LRCH1: variants seen among roughly 807,000 people sequenced by gnomAD.
LRCH1 encodes leucine-rich repeat and calponin homology domain-containing protein 1.
A neutral mutation model predicts 94.9 loss-of-function variants in LRCH1; 23 were observed. The observed-to-expected ratio is 0.24, with a 90% CI of 0.17 to 0.34. The LOEUF (loss-of-function observed/expected upper bound fraction) is 0.34. Among genes scored for constraint, LRCH1 ranks in the 10% least tolerant of loss-of-function variants. The probability of loss-of-function intolerance (pLI) is 1.00; values close to 1 mark genes in which losing one functional copy is unlikely to be tolerated. For synonymous variants in LRCH1, 364 were observed against 354.9 expected, an observed-to-expected ratio of 1.03 and a Z score of -0.29; for missense variants, 790 against 945.9, an observed-to-expected ratio of 0.84 and a Z score of 2.16.
At chr13:46,576,368 A>G (rs1420761636) in intron 1 of LRCH1, among the ~76,000 whole-genome samples, 2 of 152,218 alleles carry the variant, frequency 1.3e-5, no homozygotes, top group Admixed American at 6.5e-5. Context: ...AGAATTCCCA[A>G]GTGAAACCAT....
At chr13:46,616,030 A>G (rs1418801530) in intron 1 of LRCH1, among the ~76,000 whole-genome samples, 1 of 152,222 alleles carries the variant, frequency 6.6e-6, no homozygotes, top group Non-Finnish European at 1.5e-5. Flanking sequence ...GTAATTAAAC[A>G]TTGTTTCTTA....
chr13:46,640,988 T>C (rs901085909), intron 1 of LRCH1, among the ~76,000 whole-genome samples: 3 of 152,228 alleles, frequency 2.0e-5, no homozygotes, highest in African/African-American at 7.2e-5. Context: ...TCTGCCTATT[T>C]AACCCTGGAA....
At chr13:46,669,501 A>G (rs941195564) in intron 3 of LRCH1, among the ~76,000 whole-genome samples, 4 of 152,214 alleles carry the variant, frequency 2.6e-5, no homozygotes, top group African/African-American at 9.6e-5. Context: ...TCTCCAAATA[A>G]GTTAGTAGGC....
At chr13:46,591,025 T>C (rs921121093) in intron 1 of LRCH1, among the ~76,000 whole-genome samples, 4 of 152,092 alleles carry the variant, frequency 2.6e-5, no homozygotes, top group African/African-American at 4.8e-5. Flanking sequence ...TGTGGAAATA[T>C]AGGGACTCTC....
chr13:46,615,537 TG>T, intron 1 of LRCH1, among the ~76,000 whole-genome samples: 1 of 152,226 alleles, frequency 6.6e-6, no homozygotes, highest in Non-Finnish European at 1.5e-5. Flanking sequence ...CCTCATCACA[TG>T]GTTAAGTGGC....
chr13:46,642,556 C>T, intron 1 of LRCH1, among the ~76,000 whole-genome samples: 1 of 152,218 alleles, frequency 6.6e-6, no homozygotes, highest in African/African-American at 2.4e-5. Context: ...CGCAAAACTC[C>T]ATTCCAGGTC....
At chr13:46,611,398 G>A (rs969348166) in intron 1 of LRCH1, among the ~76,000 whole-genome samples, 4 of 152,136 alleles carry the variant, frequency 2.6e-5, no homozygotes, top group African/African-American at 4.8e-5. Context: ...AAGCACCATC[G>A]TACTCTCCTA....
chr13:46,697,014 G>T (rs1871230129), intron 9 of LRCH1, among the ~76,000 whole-genome samples: 1 of 152,214 alleles, frequency 6.6e-6, no homozygotes, highest in Non-Finnish European at 1.5e-5. Flanking sequence ...TCTTCAGTGA[G>T]CCATGACTGC....
At chr13:46,557,576 C>T (rs2050079696) in intron 1 of LRCH1, among the ~76,000 whole-genome samples, 1 of 133,866 alleles carries the variant, frequency 7.5e-6, no homozygotes. Flanking sequence ...GGCACGATAG[C>T]TCACTCCTGT....
rs1555269135 is a variant in LRCH1, at chr13:46,573,867, T to TATA, written c.307+20164_307+20165insATA. Reference sequence around the variant, plus strand: ...TCAAATATATATATATATATATATATTTTTTTTTTTTTTGAGATGGAGTCT... The same window carrying TATA: ...TCAAATATATATATATATATATATATATATTTTTTTTTTTTTGAGATGGAGTCT... On this transcript the variant is annotated intron_variant, in intron 1 of 19. Transcript: ENST00000389797. Among the ~76,000 whole-genome samples the TATA allele has an allele frequency of 6.2e-3, 330 of 53,012 alleles. 4 individuals carry two copies. Among genetic ancestry groups the TATA allele is most frequent in the African/African-American group, 0.025 (271 of 10,952 alleles). The allele number at this position is 53,012 out of a possible 152,430, so 34.8% of individuals were successfully genotyped here. A position where few individuals can be genotyped will look rare whatever the true frequency, so the allele number is the denominator to read the frequency against.
intron 1 of LRCH1, among the ~76,000 whole-genome samples, chr13:46,611,944 G>C (rs2050752441): frequency 6.6e-6 from 1 of 152,184 alleles, no homozygotes; most frequent in African/African-American, 2.4e-5. Flanking sequence ...GTGGCTTTCA[G>C]TACTAGGAGG....
chr13:46,681,888 C>G, intron 4 of LRCH1, 42 bp downstream of exon 4: 1 of 1,275,642 alleles, frequency 7.8e-7, no homozygotes, highest in Non-Finnish European at 1.1e-6. Flanking sequence ...GGGAGACTTG[C>G]ATTATTTTAT....
chr13:46,556,814 A>T (rs1005046752), intron 1 of LRCH1, among the ~76,000 whole-genome samples: 2 of 152,192 alleles, frequency 1.3e-5, no homozygotes, highest in Non-Finnish European at 2.9e-5. Context: ...CTGGAAATTC[A>T]TTCAACCAGC....
Position 46,744,730 on chromosome 13 carries a change from C to G in LRCH1, c.*2882C>G, listed in dbSNP as rs890676591. ...AGGACAAAAGGGTGTTTTGCCTTTG[C>G]CTGTGGGGAAAAAGTAGGGATGATA... On this transcript the variant is annotated 3_prime_UTR_variant, in exon 20 of 20. Coordinates refer to ENST00000389797, the MANE Select transcript of LRCH1 (RefSeq NM_001164211.2). 5 of 985,040 alleles carry G rather than the reference C, an allele frequency of 5.1e-6. No homozygotes were observed. In the African/African-American group the frequency reaches 8.7e-5, roughly 17 times the overall value. 61.0% of individuals were successfully genotyped at this position (985,040 alleles called of 1,614,324 possible).
intron 1 of LRCH1, among the ~76,000 whole-genome samples, chr13:46,646,650 G>T (rs2051224403): frequency 1.3e-5 from 2 of 152,040 alleles, no homozygotes; most frequent in Non-Finnish European, 2.9e-5. Context: ...CATAGTATTA[G>T]TATTCCATTA....
chr13:46,645,017 C>T (rs1233344123), intron 1 of LRCH1, among the ~76,000 whole-genome samples: 1 of 152,164 alleles, frequency 6.6e-6, no homozygotes, highest in Non-Finnish European at 1.5e-5. Flanking sequence ...TTCTGGGATG[C>T]AGTCACACAG....
chr13:46,611,863 G>A (rs1252258283), intron 1 of LRCH1, among the ~76,000 whole-genome samples: 1 of 152,194 alleles, frequency 6.6e-6, no homozygotes, highest in Non-Finnish European at 1.5e-5. Context: ...TAATGTTTCT[G>A]TTATTGGGCA....
Position 46,743,834 on chromosome 13 carries a change from A to C in LRCH1, c.*1986A>C. 1 of 983,658 alleles carries C rather than the reference A, an allele frequency of 1.0e-6. No individual in the cohort carries two copies. The highest frequency in any genetic ancestry group is 1.2e-6 in the Non-Finnish European group (1 of 828,326). 60.9% of individuals were successfully genotyped at this position (983,658 alleles called of 1,614,324 possible). On this transcript the variant is annotated 3_prime_UTR_variant, in exon 20 of 20. Coordinates refer to ENST00000389797, the MANE Select transcript of LRCH1 (RefSeq NM_001164211.2). The stretch of plus-strand genomic sequence containing the variant: ...AGAGTAGATTTAATTTTCAGTGTTG[A>C]TATAGTTCAATTAAAACATGTTAAA...
intron 18 of LRCH1, among the ~76,000 whole-genome samples, 180 bp downstream of exon 18, chr13:46,729,164 G>A (rs902067217): frequency 5.0e-4 from 76 of 152,100 alleles, no homozygotes; most frequent in African/African-American, 1.7e-3. Context: ...ACATTTTCCC[G>A]GTAAAATGAG....
Sources: allele counts gnomAD v4.1 joint callset (sites outside exome capture counted in the v4.1 genomes callset), GRCh38; gene constraint gnomAD v4.1.1; transcripts MANE v1.5; gene names NCBI Gene and HGNC (gene_info 2026-07-23, HGNC 2026-07-21).